The following TRPM3 variants were observed in gnomAD, a reference collection of about 807,000 sequenced individuals.
The protein encoded by TRPM3 is long transient receptor potential channel 3.
Under a neutral mutation model 181.2 loss-of-function variants are expected in TRPM3, and 77 were observed. That is an observed-to-expected ratio of 0.42 (90% CI 0.35 to 0.51). The LOEUF (loss-of-function observed/expected upper bound fraction) is 0.51, where lower values mean the gene tolerates loss of function less well. Ranked by LOEUF, TRPM3 falls within the 20% of genes least tolerant of loss-of-function variation. The pLI is 0.01. For synonymous variants in TRPM3, 745 were observed against 796.4 expected, an observed-to-expected ratio of 0.94 and a Z score of 1.09; for missense variants, 1,759 against 2,196.7, an observed-to-expected ratio of 0.80 and a Z score of 3.98.
rs1398031517 is a variant in TRPM3, at chr9:71,351,870, G to GTTTTTTTTT, written c.183+94782_183+94783insAAAAAAAAA. ...ATGGGAAGTTTTTGTTTGTTTGTTTGTTTTTGTTTTTTTTTTTTTTTTTGA... is the reference window on the plus strand; with the variant it reads ...ATGGGAAGTTTTTGTTTGTTTGTTTGTTTTTTTTTTTTTTGTTTTTTTTTTTTTTTTTGA... On this transcript the variant is annotated intron_variant, in intron 1 of 24. Coordinates refer to the TRPM3 transcript ENST00000357533. Among the ~76,000 whole-genome samples, 49 of 95,664 alleles carry GTTTTTTTTT rather than the reference G, an allele frequency of 5.1e-4. 2 individuals carry two copies. The highest frequency in any genetic ancestry group is 6.6e-4 in the Admixed American group (6 of 9,056). 62.8% of individuals were successfully genotyped at this position (95,664 alleles called of 152,430 possible).
At chr9:71,094,189 C>G (rs932694108) in intron 1 of TRPM3, among the ~76,000 whole-genome samples, 1 of 152,104 alleles carries the variant, frequency 6.6e-6, no homozygotes, top group East Asian at 1.9e-4. Flanking sequence ...AGCAAACCAC[C>G]ATGACACCTG....
At chr9:71,138,748 T>C (rs1230464572) in intron 1 of TRPM3, among the ~76,000 whole-genome samples, 1 of 152,210 alleles carries the variant, frequency 6.6e-6, no homozygotes, top group African/African-American at 2.4e-5. Flanking sequence ...ACAGAAATCA[T>C]ATCAGGCTTC....
chr9:70,787,763 C>CTTTTTTTTTTTTTTTTTTTTT, intron 6 of TRPM3, among the ~76,000 whole-genome samples: 3 of 68,558 alleles, frequency 4.4e-5, no homozygotes, highest in Admixed American at 1.8e-4. Context: ...TTTTTGGATT[C>CTTTTTTTTTTTTTTTTTTTTT]TTTTTTTTTT....
chr9:70,962,697 AG>A (rs1213186626), intron 1 of TRPM3, among the ~76,000 whole-genome samples: 1 of 152,208 alleles, frequency 6.6e-6, no homozygotes, highest in Non-Finnish European at 1.5e-5. Context: ...ACAAACAGTA[AG>A]AGACAAACAA....
chr9:71,268,750 G>C (rs1355826719), intron 1 of TRPM3, among the ~76,000 whole-genome samples: 3 of 151,738 alleles, frequency 2.0e-5, no homozygotes, highest in Non-Finnish European at 4.4e-5. Flanking sequence ...TGAACCCAGG[G>C]AACGGAGGTT....
intron 8 of TRPM3, among the ~76,000 whole-genome samples, chr9:70,748,036 GGAA>G (rs2075491681): frequency 6.6e-6 from 1 of 152,020 alleles, no homozygotes; most frequent in African/African-American, 2.4e-5. Context: ...AGAGTGGTGA[GGAA>G]GAAGAGGATC....
chr9:70,900,905 T>C (rs1476995399), intron 1 of TRPM3, among the ~76,000 whole-genome samples: 1 of 152,242 alleles, frequency 6.6e-6, no homozygotes, highest in East Asian at 1.9e-4. Context: ...AGAGACACTA[T>C]GAAGGACTAT....
intron 3 of TRPM3, among the ~76,000 whole-genome samples, chr9:70,858,740 A>G (rs1006059342): frequency 1.3e-5 from 2 of 151,668 alleles, no homozygotes; most frequent in African/African-American, 4.8e-5. Context: ...CGTGGGACCA[A>G]TATAGTCACA....
intron 22 of TRPM3, among the ~76,000 whole-genome samples, chr9:70,559,302 C>T (rs928762023): frequency 2.0e-5 from 3 of 152,212 alleles, no homozygotes; most frequent in Admixed American, 2.0e-4. Flanking sequence ...TACAGCTCCT[C>T]TATTTCACTG....
At chr9:71,109,807 C>T (rs2070645541) in intron 1 of TRPM3, among the ~76,000 whole-genome samples, 2 of 152,060 alleles carry the variant, frequency 1.3e-5, no homozygotes, top group Non-Finnish European at 2.9e-5. Context: ...GTGGCTTAAC[C>T]TATTTGGGCC....
chr9:70,761,148 A>G (rs892251489), intron 8 of TRPM3: 2 of 350,640 alleles, frequency 5.7e-6, no homozygotes, highest in African/African-American at 4.2e-5. Flanking sequence ...TTCCTCCAGG[A>G]TTTCTTATGT....
At chr9:71,096,841 C>T (rs2067369100) in intron 1 of TRPM3, among the ~76,000 whole-genome samples, 2 of 151,996 alleles carry the variant, frequency 1.3e-5, no homozygotes, top group Non-Finnish European at 2.9e-5. Flanking sequence ...GACTATTTGG[C>T]ACTATTTGCA....
chr9:71,438,739 A>C (rs936833719), intron 1 of TRPM3, among the ~76,000 whole-genome samples: 2 of 152,214 alleles, frequency 1.3e-5, no homozygotes, highest in African/African-American at 2.4e-5. Flanking sequence ...GTAATACCTA[A>C]GACTTGCTTA....
At position 70,629,215 on chromosome 9, in the gene TRPM3, CGGGG is replaced by C. The variant is rs550040624; in HGVS notation, c.1633-3702_1633-3699del. On this transcript the variant is annotated intron_variant, in intron 12 of 25. Coordinates refer to ENST00000677713, the MANE Select transcript of TRPM3 (RefSeq NM_001366145.2). ...GGATAAATGATTCTGTGACCAGTGC[CGGGG>C]GGGGGGGGGGCCTGCGTTCTGTTTG... Among the ~76,000 whole-genome samples the C allele has an allele frequency of 3.2e-3, 33 of 10,174 alleles. 3 individuals carry two copies. The highest frequency in any genetic ancestry group is 8.2e-3 in the East Asian group (1 of 122). 6.7% of individuals were successfully genotyped at this position (10,174 alleles called of 152,430 possible). A position where few individuals can be genotyped will look rare whatever the true frequency, so the allele number is the denominator to read the frequency against.
intron 8 of TRPM3, among the ~76,000 whole-genome samples, chr9:70,683,137 T>C (rs1327533239): frequency 6.6e-6 from 1 of 152,220 alleles, no homozygotes; most frequent in African/African-American, 2.4e-5. Context: ...TTGACTCTTG[T>C]ACCTGTTTAC....
chr9:71,203,188 T>C (rs999470389), intron 1 of TRPM3, among the ~76,000 whole-genome samples: 1 of 152,216 alleles, frequency 6.6e-6, no homozygotes, highest in African/African-American at 2.4e-5. Flanking sequence ...ACAGACATGC[T>C]TTGGAACAAG....
chr9:70,998,740 A>G (rs1346269340), intron 1 of TRPM3, among the ~76,000 whole-genome samples: 2 of 151,890 alleles, frequency 1.3e-5, no homozygotes, highest in Non-Finnish European at 2.9e-5. Context: ...CATGAGAGGG[A>G]TGTATTATTT....
chr9:71,080,208 A>AAATAAATAAAT (rs371580814), intron 1 of TRPM3, among the ~76,000 whole-genome samples: 19 of 139,440 alleles, frequency 1.4e-4, no homozygotes, highest in African/African-American at 5.0e-4. Flanking sequence ...ATAAATAAAT[A>AAATAAATAAAT]AAATAAAAAG....
At chr9:70,663,651 T>C (rs949574070) in intron 9 of TRPM3, among the ~76,000 whole-genome samples, 1 of 152,238 alleles carries the variant, frequency 6.6e-6, no homozygotes, top group East Asian at 1.9e-4. Flanking sequence ...TACACATCTT[T>C]AAGACTTTGT....
Sources: gnomAD v4.1 joint callset for allele counts (sites outside exome capture counted in the v4.1 genomes callset) on GRCh38, gnomAD v4.1.1 for gene constraint, MANE v1.5 for transcripts, NCBI Gene and HGNC (gene_info 2026-07-23, HGNC 2026-07-21) for gene names.